Variants in NFS1 observed in about 807,000 individuals in gnomAD.
NFS1 encodes cysteine desulfurase.
Under a neutral mutation model 57.3 loss-of-function variants are expected in NFS1, and 26 were observed. The ratio of observed to expected loss-of-function variants is 0.45; its 90% CI spans 0.33 to 0.63. NFS1 has a LOEUF of 0.63. Ranked by LOEUF, NFS1 falls within the 20% of genes least tolerant of loss-of-function variation. The pLI, the probability that NFS1 is intolerant of heterozygous loss-of-function variation, is 0.02. For missense variants in NFS1, 505 were observed against 605.8 expected, an observed-to-expected ratio of 0.83 and a Z score of 1.75; for synonymous variants, 209 against 216.3, an observed-to-expected ratio of 0.97 and a Z score of 0.30.
chr20:35,675,500 G>T, intron 7 of NFS1: 1 of 376,356 alleles, frequency 2.7e-6, no homozygotes, highest in Non-Finnish European at 4.8e-6. Context: ...CAAAAATACT[G>T]GGAACAACTT....
At chr20:35,689,391 G>T (rs902210984) in intron 5 of NFS1, among the ~76,000 whole-genome samples, 4 of 152,174 alleles carry the variant, frequency 2.6e-5, no homozygotes, top group Non-Finnish European at 5.9e-5. Context: ...TTGGGAGGCC[G>T]AGGCAGGTGG....
Position 35,686,805 on chromosome 20 carries a change from AAT to A in NFS1, c.561+3606_561+3607del, listed in dbSNP as rs531781076. 7.9e-5 allele frequency among the ~76,000 whole-genome samples: 12 copies of A among 152,284 alleles called. No homozygotes were observed. The South Asian group carries it at 2.5e-3, about 32-fold the overall frequency. On this transcript the variant is annotated intron_variant, in intron 5 of 12. Transcript: ENST00000374092. ...AGTATAATAAAATATATAAAATAAG[AAT>A]AGTTATACTAGATATAGATCTTAGA...
At chr20:35,669,844 G>A (rs1343854543) in intron 12 of NFS1, among the ~76,000 whole-genome samples, 159 bp from the exon 13 acceptor site, 3 of 152,168 alleles carry the variant, frequency 2.0e-5, no homozygotes, top group Admixed American at 6.5e-5. Flanking sequence ...GGTATCCTGA[G>A]CTCTCCAGCT....
intron 3 of NFS1, 37 bp downstream of exon 3, chr20:35,697,647 T>C: frequency 6.9e-7 from 1 of 1,445,010 alleles, no homozygotes; most frequent in Non-Finnish European, 9.5e-7. Flanking sequence ...ACTGCCCCTC[T>C]TTGACCTTAG....
In NFS1 at chr20:35,690,435, T is replaced by C; in HGVS notation, c.539A>G (p.Lys180Arg). 2 of 1,613,818 alleles carry C rather than the reference T, an allele frequency of 1.2e-6. No individual in the cohort carries two copies. The highest frequency in any genetic ancestry group is 1.1e-5 in the South Asian group (1 of 91,060). Residue 180 changes from lysine (K) to arginine (R), a missense_variant, in exon 5 of 13, where the codon AAG (lysine) becomes AGG (arginine). Transcript: ENST00000374092. ...GFQVTYLPVQ[K>R]SGIIDLKELE... Reference sequence around the variant, plus strand: ...TACCTTTAGGTCAATGATCCCACTCTTCTGCACTGGGAGGTAGGTGACCTG... The same window carrying C: ...TACCTTTAGGTCAATGATCCCACTCCTCTGCACTGGGAGGTAGGTGACCTG...
chr20:35,692,666 G>A (rs139624785), intron 4 of NFS1, among the ~76,000 whole-genome samples: 63 of 150,890 alleles, frequency 4.2e-4, no homozygotes, highest in Middle Eastern at 6.9e-3. Context: ...CTGCACTCCA[G>A]CCTAGGTGAG....
chr20:35,698,673 C>A (rs2035185950), intron 1 of NFS1, 83 bp from the exon 2 acceptor site: 1 of 1,491,198 alleles, frequency 6.7e-7, no homozygotes, highest in East Asian at 2.4e-5. Flanking sequence ...AAGGAAAAAT[C>A]TGGCTGGAGG....
At chr20:35,688,503 G>C (rs1279139069) in intron 5 of NFS1, among the ~76,000 whole-genome samples, 3 of 152,076 alleles carry the variant, frequency 2.0e-5, no homozygotes, top group African/African-American at 7.2e-5. Flanking sequence ...GTTTCAGTGA[G>C]CCAAGATCGT....
At chr20:35,685,262 C>A (rs559984125) in intron 5 of NFS1, among the ~76,000 whole-genome samples, 1 of 151,690 alleles carries the variant, frequency 6.6e-6, no homozygotes, top group Non-Finnish European at 1.5e-5. Flanking sequence ...ATAGTTCCAG[C>A]TACTCAGGAA....
intron 12 of NFS1, among the ~76,000 whole-genome samples, chr20:35,671,280 C>T (rs1360051140): frequency 1.3e-5 from 2 of 152,078 alleles, no homozygotes; most frequent in Non-Finnish European, 2.9e-5. Context: ...TTTTTGTATT[C>T]TTAGTAGAGA....
At chr20:35,674,928 G>A in intron 8 of NFS1, 117 bp downstream of exon 8, 2 of 1,394,312 alleles carry the variant, frequency 1.4e-6, no homozygotes, top group Non-Finnish European at 2.0e-6. Flanking sequence ...GGACAAGGAA[G>A]AGTTTTCTTA....
chr20:35,687,229 C>G (rs1401131008), intron 5 of NFS1, among the ~76,000 whole-genome samples: 1 of 152,162 alleles, frequency 6.6e-6, no homozygotes, highest in African/African-American at 2.4e-5. Context: ...TCAGGCCTGC[C>G]CGCAGTTATC....
At chr20:35,688,452 T>C (rs930501751) in intron 5 of NFS1, among the ~76,000 whole-genome samples, 1 of 149,432 alleles carries the variant, frequency 6.7e-6, no homozygotes, top group African/African-American at 2.5e-5. Context: ...TGCTGCTCGG[T>C]AGGCTAAGGT....
At chr20:35,698,711 C>G in intron 1 of NFS1, 121 bp from the exon 2 acceptor site, 2 of 1,419,224 alleles carry the variant, frequency 1.4e-6, no homozygotes, top group Non-Finnish European at 1.8e-6. Context: ...ATGCTAGGGT[C>G]GAATCTCAAT....
At chr20:35,677,398 T>C (rs1203621130) in intron 7 of NFS1, among the ~76,000 whole-genome samples, 1 of 151,706 alleles carries the variant, frequency 6.6e-6, no homozygotes, top group East Asian at 1.9e-4. Context: ...TAGCTGGGCA[T>C]GGTGGCATGC....
intron 5 of NFS1, among the ~76,000 whole-genome samples, 157 bp downstream of exon 5, chr20:35,690,256 G>T (rs1191410416): frequency 6.6e-6 from 1 of 151,988 alleles, no homozygotes; most frequent in Non-Finnish European, 1.5e-5. Flanking sequence ...ACACTCAAGG[G>T]GAACATGATC....
chr20:35,699,198 G>T lies in NFS1; in HGVS notation c.91C>A (p.Leu31Met). ...GAGCGGGACCCGAGCGTACCGCGCA[G>T]GCGCAGCCCCCGAGTGGGCGCCGCG... ...KPAAPTRGLR[L>M]RVGDRAPQSA... Residue 31 changes from leucine to methionine, a missense_variant, in exon 1 of 13, where the codon CTG becomes ATG. By Grantham distance (15) the Leu-to-Met change is conservative. Coordinates refer to ENST00000374092, the MANE Select transcript of NFS1 (RefSeq NM_021100.5). The surrounding 1 kb of genome is among the most constrained non-coding windows in gnomAD (Gnocchi z 4.4). 7.1e-7 allele frequency: 1 copy of T among 1,414,358 alleles called. No individual in the cohort carries two copies. Among genetic ancestry groups the T allele is most frequent in the South Asian group, 1.5e-5 (1 of 65,930 alleles). 87.6% of individuals were successfully genotyped at this position (1,414,358 alleles called of 1,614,324 possible).
chr20:35,686,838 T>C (rs143765790), intron 5 of NFS1, among the ~76,000 whole-genome samples: 6,106 of 152,248 alleles, frequency 0.04, 212 homozygotes, highest in South Asian at 0.18. Flanking sequence ...TTAGATATGA[T>C]TATATATGAA....
intron 5 of NFS1, 94 bp downstream of exon 5, chr20:35,690,319 T>C: frequency 2.5e-6 from 3 of 1,206,160 alleles, no homozygotes; most frequent in South Asian, 1.4e-5. Flanking sequence ...GTTAGATCTA[T>C]TCCTTCAAGC....
Sources: gnomAD v4.1 joint callset for allele counts (sites outside exome capture counted in the v4.1 genomes callset) on GRCh38, gnomAD v4.1.1 for gene constraint, Gnocchi (gnomAD v3.1) non-coding constraint, MANE v1.5 for transcripts, NCBI Gene and HGNC (gene_info 2026-07-23, HGNC 2026-07-21) for gene names.